Variants in PPP1R9B observed in about 807,000 individuals in gnomAD.
The protein encoded by PPP1R9B is protein phosphatase 1 regulatory subunit 9B.
A neutral mutation model predicts 75.8 loss-of-function variants in PPP1R9B; 17 were observed. The ratio of observed to expected loss-of-function variants is 0.22; its 90% CI spans 0.15 to 0.34. The LOEUF is 0.34. Ranked by LOEUF, PPP1R9B falls within the 10% of genes least tolerant of loss-of-function variation. The pLI is 1.00. For missense variants in PPP1R9B, 875 were observed against 1,196.0 expected (o/e 0.73, Z 3.96); for synonymous variants, 509 against 535.4 (o/e 0.95, Z 0.68).
rs1233464422 is a variant in PPP1R9B, at chr17:50,149,413, G to C, written c.1101C>G (p.Gly367=). 4 of 1,611,204 alleles carry C rather than the reference G, an allele frequency of 2.5e-6. No individual in the cohort carries two copies. The highest frequency in any genetic ancestry group is 2.5e-6 in the Non-Finnish European group (3 of 1,179,082). The change falls in exon 1 of 10, where the codon GGC becomes GGG. Residue 367 remains glycine (G), a synonymous_variant. Coordinates refer to ENST00000612501, the MANE Select transcript of PPP1R9B (RefSeq NM_032595.5). This position sits in a 1 kb window ranked among gnomAD's most constrained non-coding sequence, Gnocchi z 7.2. ...AAVAPPERGV[G]NGRAPDVAPE... ...GGGCCACGTCCGGGGCCCGGCCATT[G>C]CCCACCCCCCTCTCTGGCGGCGCTA...
intron 4 of PPP1R9B, among the ~76,000 whole-genome samples, chr17:50,140,953 C>T (rs966289577): frequency 3.3e-5 from 5 of 152,130 alleles, no homozygotes; most frequent in Non-Finnish European, 2.9e-5. Context: ...TCACCCTGGA[C>T]GTCCTGGTTC....
chr17:50,147,220 C>A (rs988129862), intron 1 of PPP1R9B, among the ~76,000 whole-genome samples: 1 of 152,220 alleles, frequency 6.6e-6, no homozygotes, highest in Non-Finnish European at 1.5e-5. Flanking sequence ...GGGCTGCCCA[C>A]CATGATATGC....
At position 50,150,250 on chromosome 17, in the gene PPP1R9B, C is replaced by A; in HGVS notation, c.264G>T (p.Glu88Asp). Residue 88 changes from glutamate to aspartate, a missense_variant, in exon 1 of 10, where the codon GAG becomes GAT. By Grantham distance (45) the Glu-to-Asp change is conservative. Transcript: ENST00000612501. The surrounding 1 kb of genome is among the most constrained non-coding windows in gnomAD (Gnocchi z 8.7). ...GCGGCAGCGACAGGCGCACGCCGCG[C>A]TCGGACGCCCGTGGGGCCTCGGCCA... ...AGLAEAPRAS[E>D]RGVRLSLPRA... The A allele has an allele frequency of 6.9e-7, 1 of 1,438,870 alleles. No homozygotes were observed. Among genetic ancestry groups the A allele is most frequent in the Non-Finnish European group, 9.2e-7 (1 of 1,088,904 alleles). 89.1% of individuals were successfully genotyped at this position (1,438,870 alleles called of 1,614,324 possible).
Position 50,149,939 on chromosome 17 carries a change from C to T in PPP1R9B, c.575G>A (p.Ser192Asn). 6.6e-7 allele frequency: 1 copy of T among 1,514,572 alleles called. No homozygotes were observed. 93.8% of individuals were successfully genotyped at this position (1,514,572 alleles called of 1,614,324 possible). ...KLDVVVRFNG[S>N]TEALDKLDAD... ...GTCCAGCTTGTCCAGCGCCTCGGTG[C>T]TGCCGTTGAAGCGCACCACGACGTC... The change falls in exon 1 of 10, where the codon AGC (serine) becomes AAC (asparagine). Residue 192 changes from serine to asparagine, a missense_variant. Coordinates refer to ENST00000612501, the MANE Select transcript of PPP1R9B (RefSeq NM_032595.5). This position sits in a 1 kb window ranked among gnomAD's most constrained non-coding sequence, Gnocchi z 7.2.
rs1912135728 is a variant in PPP1R9B, at chr17:50,133,879, C to T, written c.*1452G>A. 1 of 152,688 alleles carries T rather than the reference C, an allele frequency of 6.5e-6. No individual in the cohort carries two copies. The highest frequency in any genetic ancestry group is 2.4e-5 in the African/African-American group (1 of 41,576). 9.5% of individuals were successfully genotyped at this position (152,688 alleles called of 1,614,324 possible). A position where few individuals can be genotyped will look rare whatever the true frequency, so the allele number is the denominator to read the frequency against. On this transcript the variant is annotated 3_prime_UTR_variant, in exon 10 of 10. Transcript: ENST00000612501. ...GGGGTGGCCGCTGGCCCAAGCAGCC[C>T]GAAGCGGCCCCGCCCACCCGGTTCC... is the stretch of plus-strand genomic sequence containing the variant.
At chr17:50,140,010 G>A in intron 5 of PPP1R9B, 83 bp downstream of exon 5, 1 of 1,465,146 alleles carries the variant, frequency 6.8e-7, no homozygotes, top group East Asian at 2.3e-5. Context: ...TAGGGCAGGG[G>A]AAGCAGTAGA....
chr17:50,144,859 C>A (rs751803485), intron 2 of PPP1R9B, among the ~76,000 whole-genome samples: 10 of 152,206 alleles, frequency 6.6e-5, no homozygotes, highest in Non-Finnish European at 1.2e-4. Context: ...CCTACAGAGA[C>A]CTGTTAACTG....
intron 7 of PPP1R9B, 52 bp from the exon 8 acceptor site, chr17:50,136,249 G>T: frequency 6.6e-7 from 1 of 1,504,786 alleles, no homozygotes; most frequent in East Asian, 2.3e-5. Context: ...AGGAGCCAAA[G>T]GGTACCCCCA....
chr17:50,137,798 C>T lies in PPP1R9B; in HGVS notation c.2073+1465G>A, dbSNP rs376104685. Among the ~76,000 whole-genome samples the T allele has an allele frequency of 1.7e-4, 26 of 152,316 alleles. 1 individual carries two copies. In the South Asian group the frequency reaches 5.0e-3, roughly 29 times the overall value. On this transcript the variant is annotated intron_variant, in intron 7 of 9. Transcript: ENST00000612501. ...CCTGGCAGTCCAGCCCTGCCTCCAC[C>T]TCTCCCCGACAGGCATGCTGCCACC...
At chr17:50,140,960 GTT>G (rs1912360753) in intron 4 of PPP1R9B, among the ~76,000 whole-genome samples, 1 of 152,166 alleles carries the variant, frequency 6.6e-6, no homozygotes, top group African/African-American at 2.4e-5. Context: ...GGACGTCCTG[GTT>G]CTTCAGTCAG....
At chr17:50,144,981 G>T in intron 2 of PPP1R9B, 132 bp downstream of exon 2, 2 of 1,164,324 alleles carry the variant, frequency 1.7e-6, no homozygotes, top group Non-Finnish European at 1.2e-6. Context: ...GGTCACCAAG[G>T]GCCTGAGTCA....
At position 50,135,102 on chromosome 17, in the gene PPP1R9B, G is replaced by A. The variant is rs2144437483; in HGVS notation, c.*229C>T. Reference sequence around the variant, plus strand: ...GGCCTCTGTGCCTCAGCCCCATGGGGCAAGAAAGAGGCTGCCCTTCTAGCC... The same window carrying A: ...GGCCTCTGTGCCTCAGCCCCATGGGACAAGAAAGAGGCTGCCCTTCTAGCC... On this transcript the variant is annotated 3_prime_UTR_variant, in exon 10 of 10. Transcript: ENST00000612501. The A allele has an allele frequency of 1.2e-5, 7 of 585,400 alleles. No individual in the cohort carries two copies. The South Asian group carries it at 1.4e-4, about 12-fold the overall frequency. The allele number at this position is 585,400 out of a possible 1,614,324, so 36.3% of individuals were successfully genotyped here.
Position 50,135,212 on chromosome 17 carries a change from TG to T in PPP1R9B, c.*118del, listed in dbSNP as rs1912189309. ...AGCTGGGGGAGGTGGGGTGGAGGGG[TG>T]GGGGGAGTCGGGGCACCTGTCCCCA... On this transcript the variant is annotated 3_prime_UTR_variant, in exon 10 of 10. Transcript: ENST00000612501. The T allele has an allele frequency of 5.1e-6, 3 of 584,362 alleles. No individual in the cohort carries two copies. Among genetic ancestry groups the T allele is most frequent in the East Asian group, 6.2e-5 (2 of 32,240 alleles). 36.2% of individuals were successfully genotyped at this position (584,362 alleles called of 1,614,324 possible).
In PPP1R9B at chr17:50,149,857, G is replaced by A; in HGVS notation, c.657C>T (p.Asp219=). ...SQLSAVFEKA[D]SRTGLHRGPG... ...GCCCGCGGTGGAGGCCGGTCCTCGA[G>A]TCGGCCTTCTCGAAGACGGCGCTGA... Residue 219 remains aspartate, a synonymous_variant, in exon 1 of 10, where the codon GAC becomes GAT. Coordinates refer to ENST00000612501, the MANE Select transcript of PPP1R9B (RefSeq NM_032595.5). The surrounding 1 kb of genome is among the most constrained non-coding windows in gnomAD (Gnocchi z 7.2). The A allele has an allele frequency of 2.0e-6, 3 of 1,490,450 alleles. No homozygotes were observed. The highest frequency in any genetic ancestry group is 2.7e-6 in the Non-Finnish European group (3 of 1,126,140). 92.3% of individuals were successfully genotyped at this position (1,490,450 alleles called of 1,614,324 possible).
rs776274267 is a variant in PPP1R9B, at chr17:50,149,551, G to A, written c.963C>T (p.Ala321=). 9 of 1,589,542 alleles carry A rather than the reference G, an allele frequency of 5.7e-6. No individual in the cohort carries two copies. The Admixed American group carries it at 1.4e-4, about 24-fold the overall frequency. Residue 321 remains alanine (A), a synonymous_variant, in exon 1 of 10, where the codon GCC becomes GCT. Coordinates refer to ENST00000612501, the MANE Select transcript of PPP1R9B (RefSeq NM_032595.5). The surrounding 1 kb of genome is among the most constrained non-coding windows in gnomAD (Gnocchi z 7.2). ...AESAPGEVIQ[A]EVTVHAALEN... ...CCAGGGCCGCGTGGACCGTAACCTC[G>A]GCCTGGATCACCTCCCCGGGCGCCG...
At position 50,143,522 on chromosome 17, in the gene PPP1R9B, C is replaced by A; in HGVS notation, c.1625+76G>T. 6.5e-6 allele frequency: 10 copies of A among 1,533,462 alleles called. No individual in the cohort carries two copies. In the South Asian group the frequency reaches 1.2e-4, roughly 18 times the overall value. The allele number at this position is 1,533,462 out of a possible 1,614,324, so 95.0% of individuals were successfully genotyped here. ...CAGGGAAGGCCCGCCCCACCCCCTG[C>A]TCAGTGGCCCACCCCACCAAGGATG... On this transcript the variant is annotated intron_variant, in intron 3 of 9. Transcript: ENST00000612501.
rs770115794 is a variant in PPP1R9B, at chr17:50,145,231, G to A, written c.1386C>T (p.Tyr462=). Residue 462 remains tyrosine, a synonymous_variant, in exon 2 of 10, where the codon TAC becomes TAT. Coordinates refer to ENST00000612501, the MANE Select transcript of PPP1R9B (RefSeq NM_032595.5). ...STAPIQVFST[Y]SNEDYDRRNE... The stretch of plus-strand genomic sequence containing the variant: ...TGCGACGATCGTAATCCTCGTTGGA[G>A]TAAGTGCTGAACACCTGGGGAGGGA... 1.9e-6 allele frequency: 3 copies of A among 1,613,702 alleles called. No homozygotes were observed. Among genetic ancestry groups the A allele is most frequent in the Non-Finnish European group, 2.5e-6 (3 of 1,179,902 alleles).
chr17:50,142,220 G>A lies in PPP1R9B; in HGVS notation c.1626-847C>T, dbSNP rs1248968482. On this transcript the variant is annotated intron_variant, in intron 3 of 9. Transcript: ENST00000612501. The surrounding 1 kb of genome is among the most constrained non-coding windows in gnomAD (Gnocchi z 4.1). The stretch of plus-strand genomic sequence containing the variant: ...TGCTGAGGGAGATGGAGGGTGGGGG[G>A]CCTCTCAGACACCTCCCTCCTCCAC... 6.6e-6 allele frequency among the ~76,000 whole-genome samples: 1 copy of A among 152,114 alleles called. No individual in the cohort carries two copies. Among genetic ancestry groups the A allele is most frequent in the African/African-American group, 2.4e-5 (1 of 41,418 alleles).
At position 50,140,117 on chromosome 17, in the gene PPP1R9B, G is replaced by C. The variant is rs1189113287; in HGVS notation, c.1842C>G (p.Ala614=). ...WQREMMEQRY[A]QYGEDDEETG... is the part of the protein sequence containing the mutation. ...CCTCCTCGTCATCCTCCCCATACTG[G>C]GCGTATCTCTGCTCCATCATCTCCC... The change falls in exon 5 of 10, where the codon GCC becomes GCG. Residue 614 remains alanine (A), a synonymous_variant. Transcript: ENST00000612501. The C allele has an allele frequency of 6.2e-7, 1 of 1,613,558 alleles. No homozygotes were observed. The highest frequency in any genetic ancestry group is 1.7e-5 in the Admixed American group (1 of 59,964).
Sources: gnomAD v4.1 joint callset for allele counts (sites outside exome capture counted in the v4.1 genomes callset) on GRCh38, gnomAD v4.1.1 for gene constraint, Gnocchi (gnomAD v3.1) non-coding constraint, MANE v1.5 for transcripts, NCBI Gene and HGNC (gene_info 2026-07-23, HGNC 2026-07-21) for gene names.